Variants in GPX5 observed in about 807,000 individuals in gnomAD.
GPX5 encodes the protein epididymal secretory glutathione peroxidase.
A neutral mutation model predicts 23.8 loss-of-function variants in GPX5; 20 were observed. The ratio of observed to expected loss-of-function variants is 0.84; its 90% CI spans 0.59 to 1.22. The LOEUF (loss-of-function observed/expected upper bound fraction) is 1.22, where lower values mean the gene tolerates loss of function less well. Ranked by LOEUF, GPX5 falls within the 50% of genes most tolerant of loss-of-function variation. The probability of loss-of-function intolerance (pLI) is 0.00; values close to 1 mark genes in which losing one functional copy is unlikely to be tolerated. For synonymous variants in GPX5, 92 were observed against 99.5 expected, an observed-to-expected ratio of 0.92 and a Z score of 0.45; for missense variants, 230 against 266.6, an observed-to-expected ratio of 0.86 and a Z score of 0.96.
chr6:28,532,812 G>T (rs1291163337), intron 4 of GPX5, among the ~76,000 whole-genome samples: 2 of 152,204 alleles, frequency 1.3e-5, no homozygotes, highest in Non-Finnish European at 2.9e-5. Context: ...TGGAGAGAGA[G>T]TTAGAAACCA....
rs537782618 is a variant in GPX5 at position 28,533,150 on chromosome 6, C to G, written c.459+730C>G. Among the ~76,000 whole-genome samples, 15 of 151,808 alleles carry G rather than the reference C, an allele frequency of 9.9e-5. 1 individual carries two copies. The South Asian group carries it at 2.9e-3, about 30-fold the overall frequency. On this transcript the variant is annotated intron_variant, in intron 4 of 4. Transcript: ENST00000412168. ...AAACAAAAACAAAAAAAGTAACAAA[C>G]CAACAGGTATGATACAGTGTAGTAG...
At position 28,531,874 on chromosome 6, in the gene GPX5, A is replaced by G. The variant is rs767808083; in HGVS notation, c.338A>G (p.Lys113Arg). ...GGAAAGCAAGAACCAGGAGATAACA[A>G]AGAGATTCTTCCTGGGCTCAAGTAC... ...QFGKQEPGDN[K>R]EILPGLKYVR... The change falls in exon 3 of 5, where the codon AAA (lysine) becomes AGA (arginine). Residue 113 changes from lysine to arginine, a missense_variant. Transcript: ENST00000412168. 1 of 1,613,088 alleles carries G rather than the reference A, an allele frequency of 6.2e-7. No homozygotes were observed. The highest frequency in any genetic ancestry group is 8.5e-7 in the Non-Finnish European group (1 of 1,179,104).
rs189859941 is a variant in GPX5 at position 28,533,417 on chromosome 6, G to C, written c.460-544G>C. 1.9e-3 allele frequency among the ~76,000 whole-genome samples: 283 copies of C among 152,220 alleles called. 1 individual carries two copies. The South Asian group carries it at 0.021, about 11-fold the overall frequency. ...AACAAAAACAAAAAAGAACAGTGTG[G>C]GAAGTTTTTTATAAACTCAACTCGT... On this transcript the variant is annotated intron_variant, in intron 4 of 4. Transcript: ENST00000412168.
intron 4 of GPX5, 86 bp from the exon 5 acceptor site, chr6:28,533,875 G>C (rs1457744907): frequency 5.2e-6 from 4 of 775,268 alleles, no homozygotes; most frequent in South Asian, 2.3e-5. Context: ...GGTATAGGAG[G>C]GGGTGGATTA....
chr6:28,526,292 G>A (rs1763207782), intron 1 of GPX5, among the ~76,000 whole-genome samples, 192 bp downstream of exon 1: 2 of 152,044 alleles, frequency 1.3e-5, no homozygotes, highest in Admixed American at 1.3e-4. Flanking sequence ...AATATGACTA[G>A]GGAAGAAAGG....
In GPX5 at chr6:28,534,465, A is replaced by T. The variant is rs1011406201; in HGVS notation, c.*298A>T. 1 of 306,910 alleles carries T rather than the reference A, an allele frequency of 3.3e-6. No homozygotes were observed. The highest frequency in any genetic ancestry group is 6.0e-6 in the Non-Finnish European group (1 of 167,178). 19.0% of individuals were successfully genotyped at this position (306,910 alleles called of 1,614,324 possible). A position where few individuals can be genotyped will look rare whatever the true frequency, so the allele number is the denominator to read the frequency against. On this transcript the variant is annotated 3_prime_UTR_variant, in exon 5 of 5. Transcript: ENST00000412168. ...TGAATCATTCATATCCACCAGAGGG[A>T]AATCATCCTTCCACGACAATGGTTC...
chr6:28,529,380 C>T, intron 1 of GPX5, 71 bp from the exon 2 acceptor site: 3 of 1,253,808 alleles, frequency 2.4e-6, no homozygotes, highest in Non-Finnish European at 3.3e-6. Context: ...TATTCTTTGA[C>T]TTCTTTGAAA....
In GPX5 at chr6:28,525,947, T is replaced by A; in HGVS notation, c.-67T>A. On this transcript the variant is annotated 5_prime_UTR_variant, in exon 1 of 5. Coordinates refer to ENST00000412168, the MANE Select transcript of GPX5 (RefSeq NM_001509.3). ...GGCTTGGGCTAAGTCCCTGCCAAGA[T>A]ACCAAAAGACTGCAGAGGTGGGCAA... The A allele has an allele frequency of 8.4e-7, 1 of 1,189,894 alleles. No individual in the cohort carries two copies. Among genetic ancestry groups the A allele is most frequent in the Non-Finnish European group, 1.3e-6 (1 of 796,228 alleles). 73.7% of individuals were successfully genotyped at this position (1,189,894 alleles called of 1,614,324 possible).
chr6:28,528,948 A>C (rs1019307612), intron 1 of GPX5, among the ~76,000 whole-genome samples: 3 of 149,906 alleles, frequency 2.0e-5, no homozygotes, highest in Non-Finnish European at 4.4e-5. Flanking sequence ...TGGGGTATCC[A>C]TCCCCTCAAG....
rs761191669 is a variant in GPX5, at chr6:28,529,476, G to C, written c.113G>C (p.Gly38Ala). 2 of 1,608,762 alleles carry C rather than the reference G, an allele frequency of 1.2e-6. No homozygotes were observed. The highest frequency in any genetic ancestry group is 1.7e-6 in the Non-Finnish European group (2 of 1,177,226). The change falls in exon 2 of 5, where the codon GGC becomes GCC. Residue 38 changes from glycine (G) to alanine (A), a missense_variant. Coordinates refer to ENST00000412168, the MANE Select transcript of GPX5 (RefSeq NM_001509.3). ...MKMDCHKDEK[G>A]TIYDYEAIAL... ...ATGGATTGCCACAAAGACGAGAAAGGCACCATCTATGACTATGAGGCCATC... is the reference window on the plus strand; with the variant it reads ...ATGGATTGCCACAAAGACGAGAAAGCCACCATCTATGACTATGAGGCCATC...
rs1401558924 is a variant in GPX5 at position 28,525,884 on chromosome 6, C to T, written c.-130C>T. ...CTGTGATCCTCACCCCGACCTCATG[C>T]GTCGGGAATCCTTGCAGCCCTGTGA... On this transcript the variant is annotated 5_prime_UTR_variant, in exon 1 of 5. Transcript: ENST00000412168. 3 of 716,330 alleles carry T rather than the reference C, an allele frequency of 4.2e-6. No homozygotes were observed. Among genetic ancestry groups the T allele is most frequent in the African/African-American group, 1.8e-5 (1 of 57,070 alleles). 44.4% of individuals were successfully genotyped at this position (716,330 alleles called of 1,614,324 possible). A position where few individuals can be genotyped will look rare whatever the true frequency, so the allele number is the denominator to read the frequency against.
chr6:28,532,713 T>G (rs1763351245), intron 4 of GPX5, among the ~76,000 whole-genome samples: 1 of 152,212 alleles, frequency 6.6e-6, no homozygotes, highest in African/African-American at 2.4e-5. Context: ...CAGGTACACT[T>G]GATGAATGCC....
chr6:28,526,094 G>T lies in GPX5; in HGVS notation c.81G>T (p.Lys27Asn), dbSNP rs1039371755. 4 of 1,612,312 alleles carry T rather than the reference G, an allele frequency of 2.5e-6. No individual in the cohort carries two copies. The African/African-American group carries it at 4.0e-5, about 16-fold the overall frequency. Residue 27 changes from lysine (K) to asparagine (N), a missense_variant, in exon 1 of 5, where the codon AAG (lysine) becomes AAT (asparagine). Coordinates refer to ENST00000412168, the MANE Select transcript of GPX5 (RefSeq NM_001509.3). ...CFVQTSPKQE[K>N]MKMDCHKDEK... ...TGCAAACAAGTCCCAAGCAGGAGAA[G>T]ATGAAGGTGAGTGAGCTTCAGAGAG...
Position 28,529,510 on chromosome 6 carries a change from T to A in GPX5, c.147T>A (p.Asn49Lys), listed in dbSNP as rs201166039. The change falls in exon 2 of 5, where the codon AAT (asparagine) becomes AAA (lysine). Residue 49 changes from asparagine to lysine, a missense_variant. By Grantham distance (94) the Asn-to-Lys change is moderately conservative. Coordinates refer to ENST00000412168, the MANE Select transcript of GPX5 (RefSeq NM_001509.3). Reference sequence around the variant, plus strand: ...ATGACTATGAGGCCATCGCACTTAATAAGAATGAATATGTTTCCTTCAAGC... The same window carrying A: ...ATGACTATGAGGCCATCGCACTTAAAAAGAATGAATATGTTTCCTTCAAGC... ...TIYDYEAIALNKNEYVSFKQY... is the reference protein window; with the variant it reads ...TIYDYEAIALKKNEYVSFKQY... 1.2e-6 allele frequency: 2 copies of A among 1,613,534 alleles called. No individual in the cohort carries two copies. The highest frequency in any genetic ancestry group is 3.3e-5 in the Admixed American group (2 of 59,986).
chr6:28,531,370 C>CAAAAAAAAAAAAAAAAAAAA (rs1193939654), intron 2 of GPX5, among the ~76,000 whole-genome samples: 1 of 50,112 alleles, frequency 2.0e-5, no homozygotes, highest in Non-Finnish European at 3.6e-5. Flanking sequence ...GAATCTGTCT[C>CAAAAAAAAAAAAAAAAAAAA]AAAAAAAAAA....
chr6:28,529,103 T>C (rs1763264364), intron 1 of GPX5, among the ~76,000 whole-genome samples: 1 of 151,686 alleles, frequency 6.6e-6, no homozygotes, highest in African/African-American at 2.4e-5. Context: ...CTTTTTTTTT[T>C]CTCATTAATC....
At chr6:28,533,910 C>G in intron 4 of GPX5, 51 bp from the exon 5 acceptor site, 1 of 1,226,314 alleles carries the variant, frequency 8.2e-7, no homozygotes, top group Non-Finnish European at 1.1e-6. Flanking sequence ...TAGCCTGGAT[C>G]ATCCAGGAGC....
rs426922 is a variant in GPX5, at chr6:28,534,411, C to T, written c.*244C>T. ...GGGTGAAGACTGAAACAAATGGAAA[C>T]CTAAAATCCCCAGACCTCTGTTACA... On this transcript the variant is annotated 3_prime_UTR_variant, in exon 5 of 5. Coordinates refer to ENST00000412168, the MANE Select transcript of GPX5 (RefSeq NM_001509.3). 0.033 allele frequency: 13,320 copies of T among 401,160 alleles called. 857 individuals are homozygous for T. The highest frequency in any genetic ancestry group is 0.18 in the African/African-American group (8,591 of 48,712). The allele number at this position is 401,160 out of a possible 1,614,324, so 24.9% of individuals were successfully genotyped here. A position where few individuals can be genotyped will look rare whatever the true frequency, so the allele number is the denominator to read the frequency against.
rs964066843 is a variant in GPX5, at chr6:28,529,325, T to G, written c.88-126T>G. On this transcript the variant is annotated intron_variant, in intron 1 of 4. Coordinates refer to ENST00000412168, the MANE Select transcript of GPX5 (RefSeq NM_001509.3). ...AAGTTTCAGTCTTGTCATTGACACT[T>G]TAGACAACTCTTATTTGTTTTCTAG... is the stretch of plus-strand genomic sequence containing the variant. 13 of 669,580 alleles carry G rather than the reference T, an allele frequency of 1.9e-5. No homozygotes were observed. The African/African-American group carries it at 2.2e-4, about 11-fold the overall frequency. 41.5% of individuals were successfully genotyped at this position (669,580 alleles called of 1,614,324 possible).
Sources: allele counts gnomAD v4.1 joint callset (sites outside exome capture counted in the v4.1 genomes callset), GRCh38; gene constraint gnomAD v4.1.1; transcripts MANE v1.5; gene names NCBI Gene and HGNC (gene_info 2026-07-23, HGNC 2026-07-21).